GAD2: variants seen among roughly 807,000 people sequenced by gnomAD.
GAD2 encodes the protein glutamate decarboxylase 2, also known as 65 kDa glutamic acid decarboxylase.
GAD2 carries 22 observed loss-of-function variants against 80.1 expected under a neutral mutation model. That is an observed-to-expected ratio of 0.27 (90% CI 0.20 to 0.39). The LOEUF is 0.39. Ranked by LOEUF, GAD2 falls within the 10% of genes least tolerant of loss-of-function variation. The pLI, the probability that GAD2 is intolerant of heterozygous loss-of-function variation, is 1.00. For synonymous variants in GAD2, 274 were observed against 256.9 expected, an observed-to-expected ratio of 1.07 and a Z score of -0.64; for missense variants, 624 against 738.4, an observed-to-expected ratio of 0.85 and a Z score of 1.80.
intron 8 of GAD2, among the ~76,000 whole-genome samples, chr10:26,255,094 G>A (rs1165042401): frequency 1.3e-5 from 2 of 152,192 alleles, no homozygotes; most frequent in Non-Finnish European, 2.9e-5. Context: ...TGCAGAAGGT[G>A]GCCTGGGAAG....
rs369682044 is a variant in GAD2 at position 26,243,042 on chromosome 10, A to AGAACC, written c.841-2879_841-2878insGAACC. Among the ~76,000 whole-genome samples, 856 of 133,846 alleles carry AGAACC rather than the reference A, an allele frequency of 6.4e-3. 9 individuals are homozygous for AGAACC. Among genetic ancestry groups the AGAACC allele is most frequent in the African/African-American group, 0.023 (812 of 35,424 alleles). The allele number at this position is 133,846 out of a possible 152,430, so 87.8% of individuals were successfully genotyped here. ...CAGGGCTCTGCCAAATGCACAAAAA[A>AGAACC]CCCCCCCCCTTTTTTTGGTGGGGGA... On this transcript the variant is annotated intron_variant, in intron 7 of 15. Coordinates refer to ENST00000376261, the MANE Select transcript of GAD2 (RefSeq NM_001134366.2).
intron 13 of GAD2, among the ~76,000 whole-genome samples, 174 bp from the exon 14 acceptor site, chr10:26,292,291 G>A (rs989319216): frequency 1.3e-5 from 2 of 152,156 alleles, no homozygotes; most frequent in South Asian, 2.1e-4. Context: ...AGCACCTGAC[G>A]GGGAGAGCAT....
intron 15 of GAD2, among the ~76,000 whole-genome samples, chr10:26,295,508 G>GCACACACACACACACA (rs61216190): frequency 0.043 from 5,810 of 133,726 alleles, 262 homozygotes; most frequent in African/African-American, 0.093. Flanking sequence ...TCATACGCAT[G>GCACACACACACACACA]CACACACACA....
Position 26,217,526 on chromosome 10 carries a change from G to T in GAD2, c.77-84G>T. Reference sequence around the variant, plus strand: ...CCCCTCCTAGGACCCCGGACTGATTGATTTTCACATAGAACGAAATTTCAC... The same window carrying T: ...CCCCTCCTAGGACCCCGGACTGATTTATTTTCACATAGAACGAAATTTCAC... On this transcript the variant is annotated intron_variant, in intron 1 of 15. Coordinates refer to ENST00000376261, the MANE Select transcript of GAD2 (RefSeq NM_001134366.2). The surrounding 1 kb of genome is among the most constrained non-coding windows in gnomAD (Gnocchi z 4.9). 7.0e-7 allele frequency: 1 copy of T among 1,432,748 alleles called. No individual in the cohort carries two copies. The highest frequency in any genetic ancestry group is 1.2e-5 in the South Asian group (1 of 81,836). The allele number at this position is 1,432,748 out of a possible 1,614,324, so 88.8% of individuals were successfully genotyped here.
rs1035359676 is a variant in GAD2 at position 26,304,484 on chromosome 10, T to A, written c.*3523T>A. On this transcript the variant is annotated 3_prime_UTR_variant, in exon 16 of 16. Coordinates refer to ENST00000376261, the MANE Select transcript of GAD2 (RefSeq NM_001134366.2). ...GGCAACCTGTTCTTCCTACCAAATA[T>A]AAACTTGTGTATGATCCAAGTATTT... 3.3e-5 allele frequency: 5 copies of A among 152,634 alleles called. No individual in the cohort carries two copies. Among genetic ancestry groups the A allele is most frequent in the Non-Finnish European group, 5.9e-5 (4 of 68,032 alleles). The allele number at this position is 152,634 out of a possible 1,614,324, so 9.5% of individuals were successfully genotyped here. A position where few individuals can be genotyped will look rare whatever the true frequency, so the allele number is the denominator to read the frequency against.
At chr10:26,265,193 A>T (rs908316462) in intron 8 of GAD2, among the ~76,000 whole-genome samples, 1 of 147,556 alleles carries the variant, frequency 6.8e-6, no homozygotes, top group Non-Finnish European at 1.5e-5. Context: ...CTGATCCTAT[A>T]GCATCATACG....
At chr10:26,275,736 T>C (rs1845193063) in intron 11 of GAD2, among the ~76,000 whole-genome samples, 1 of 152,212 alleles carries the variant, frequency 6.6e-6, no homozygotes, top group Admixed American at 6.5e-5. Flanking sequence ...GGGAATGACA[T>C]TTTTCCAAGC....
At position 26,292,507 on chromosome 10, in the gene GAD2, T is replaced by C. The variant is rs1418711112; in HGVS notation, c.1429T>C (p.Leu477=). 1 of 1,613,902 alleles carries C rather than the reference T, an allele frequency of 6.2e-7. No individual in the cohort carries two copies. The highest frequency in any genetic ancestry group is 1.3e-5 in the African/African-American group (1 of 74,890). ...AGCGCATGTTGATAAATGTTTGGAG[T>C]TGGCAGAGTATTTATACAACATCAT... is the stretch of plus-strand genomic sequence containing the variant. The part of the protein sequence containing the change: ...FEAHVDKCLE[L]AEYLYNIIKN... The change falls in exon 14 of 16, where the codon TTG becomes CTG. Residue 477 remains leucine, a synonymous_variant. Coordinates refer to ENST00000376261, the MANE Select transcript of GAD2 (RefSeq NM_001134366.2).
At chr10:26,240,558 C>A (rs1381020272) in intron 7 of GAD2, among the ~76,000 whole-genome samples, 1 of 151,834 alleles carries the variant, frequency 6.6e-6, no homozygotes, top group African/African-American at 2.4e-5. Context: ...ACAGCAAAAA[C>A]CCATCTGTAT....
At position 26,245,975 on chromosome 10, in the gene GAD2, G is replaced by A. The variant is rs1161349496; in HGVS notation, c.895G>A (p.Val299Met). The change falls in exon 8 of 16, where the codon GTG (valine) becomes ATG (methionine). Residue 299 changes from valine to methionine, a missense_variant. Coordinates refer to ENST00000376261, the MANE Select transcript of GAD2 (RefSeq NM_001134366.2). Reference protein sequence around the residue: ...AAALGIGTDSVILIKCDERGK... With the variant: ...AAALGIGTDSMILIKCDERGK... Reference sequence around the variant, plus strand: ...AGCCTTAGGGATTGGAACAGACAGCGTGATTCTGATTAAATGTGATGAGAG... The same window carrying A: ...AGCCTTAGGGATTGGAACAGACAGCATGATTCTGATTAAATGTGATGAGAG... 7 of 1,614,132 alleles carry A rather than the reference G, an allele frequency of 4.3e-6. No homozygotes were observed. Among genetic ancestry groups the A allele is most frequent in the East Asian group, 2.2e-5 (1 of 44,884 alleles).
chr10:26,258,347 T>A (rs1432794684), intron 8 of GAD2, among the ~76,000 whole-genome samples: 2 of 152,224 alleles, frequency 1.3e-5, no homozygotes, highest in Admixed American at 6.5e-5. Flanking sequence ...GTTCATTAGT[T>A]TAAACAGAGC....
chr10:26,272,429 CT>C (rs1183959712), intron 10 of GAD2, among the ~76,000 whole-genome samples: 1 of 152,182 alleles, frequency 6.6e-6, no homozygotes, highest in Admixed American at 6.5e-5. Flanking sequence ...ACTAGGGAAT[CT>C]TTTAACCAGT....
intron 7 of GAD2, among the ~76,000 whole-genome samples, chr10:26,240,846 C>T (rs1844732976): frequency 6.6e-6 from 1 of 151,990 alleles, no homozygotes; most frequent in African/African-American, 2.4e-5. Flanking sequence ...ACCATCCTGG[C>T]TAACGCGGTG....
intron 15 of GAD2, among the ~76,000 whole-genome samples, chr10:26,297,928 A>C (rs1249713655): frequency 6.6e-6 from 1 of 152,178 alleles, no homozygotes. Flanking sequence ...CATACATCCC[A>C]TGTTTACTTC....
At position 26,253,338 on chromosome 10, in the gene GAD2, T is replaced by A. The variant is rs570168144; in HGVS notation, c.920+7338T>A. 3.9e-5 allele frequency among the ~76,000 whole-genome samples: 6 copies of A among 152,322 alleles called. No individual in the cohort carries two copies. In the South Asian group the frequency reaches 1.2e-3, roughly 32 times the overall value. On this transcript the variant is annotated intron_variant, in intron 8 of 15. Coordinates refer to ENST00000376261, the MANE Select transcript of GAD2 (RefSeq NM_001134366.2). ...TAACAAAAAGTTGAATATTCAGTGA[T>A]GAGGTTGATGAATTTTTATTCATGT...
Position 26,304,113 on chromosome 10 carries a change from C to A in GAD2, c.*3152C>A, listed in dbSNP as rs760637140. 2 of 152,366 alleles carry A rather than the reference C, an allele frequency of 1.3e-5. No individual in the cohort carries two copies. The highest frequency in any genetic ancestry group is 4.8e-5 in the African/African-American group (2 of 41,434). The allele number at this position is 152,366 out of a possible 1,614,324, so 9.4% of individuals were successfully genotyped here. ...GACTTCACAAAATGCAAGGTGAACA[C>A]CACTTTGTCTCTGAGAACAGACGTT... On this transcript the variant is annotated 3_prime_UTR_variant, in exon 16 of 16. Transcript: ENST00000376261.
chr10:26,273,891 T>G (rs1324402998), intron 11 of GAD2, among the ~76,000 whole-genome samples, 191 bp downstream of exon 11: 1 of 152,168 alleles, frequency 6.6e-6, no homozygotes, highest in Non-Finnish European at 1.5e-5. Flanking sequence ...TATGTAAATA[T>G]TATGTGTAAA....
At chr10:26,284,480 A>G (rs937640596) in intron 12 of GAD2, among the ~76,000 whole-genome samples, 8 of 149,398 alleles carry the variant, frequency 5.4e-5, no homozygotes, top group Admixed American at 3.3e-4. Context: ...GAACCAGGAT[A>G]TCATCTCACT....
At chr10:26,224,987 C>T (rs1844502840) in intron 6 of GAD2, among the ~76,000 whole-genome samples, 1 of 152,194 alleles carries the variant, frequency 6.6e-6, no homozygotes, top group Admixed American at 6.5e-5. Flanking sequence ...CTCTCTGATG[C>T]TCTTCCTAGA....
Sources: allele counts gnomAD v4.1 joint callset (sites outside exome capture counted in the v4.1 genomes callset), GRCh38; gene constraint gnomAD v4.1.1; non-coding constraint Gnocchi (gnomAD v3.1); transcripts MANE v1.5; gene names NCBI Gene and HGNC (gene_info 2026-07-23, HGNC 2026-07-21).